The following NEK10 variants were observed in gnomAD, a reference collection of about 807,000 sequenced individuals.
NEK10 encodes the protein serine/threonine-protein kinase Nek10.
NEK10 carries 122 observed loss-of-function variants against 159.8 expected under a neutral mutation model. The observed-to-expected ratio is 0.76, with a 90% CI of 0.66 to 0.89. NEK10 has a LOEUF of 0.89. NEK10 is among the 40% of genes least tolerant of loss of function. NEK10 has a pLI of 0.00. For synonymous variants in NEK10, 466 were observed against 457.1 expected, an observed-to-expected ratio of 1.02 and a Z score of -0.25; for missense variants, 1,342 against 1,323.1, an observed-to-expected ratio of 1.01 and a Z score of -0.22.
intron 23 of NEK10, among the ~76,000 whole-genome samples, chr3:27,247,009 GTCAGGTTTTTCCAAATATAAGA>G (rs1304480465): frequency 1.7e-4 from 26 of 152,206 alleles, no homozygotes; most frequent in African/African-American, 4.8e-4. Flanking sequence ...TGGTGGAGTC[GTCAGGTTTTTCCAAATATAAGA>G]TCAGGTTTTT....
At chr3:27,151,081 G>A (rs532102123) in intron 30 of NEK10, among the ~76,000 whole-genome samples, 62 of 152,066 alleles carry the variant, frequency 4.1e-4, no homozygotes, top group Non-Finnish European at 7.5e-4. Context: ...CCCTGGTAGC[G>A]GAAGACAAAG....
At chr3:27,231,062 T>C (rs1020002214) in intron 23 of NEK10, among the ~76,000 whole-genome samples, 9 of 152,020 alleles carry the variant, frequency 5.9e-5, no homozygotes, top group African/African-American at 2.2e-4. Flanking sequence ...AGAATATACA[T>C]TCTTCTCTTC....
Position 27,286,148 on chromosome 3 carries a change from C to G in NEK10, c.1790-1187G>C, listed in dbSNP as rs9863440. On this transcript the variant is annotated intron_variant, in intron 20 of 35. Coordinates refer to ENST00000691995, the MANE Select transcript of NEK10 (RefSeq NM_001394966.1). ...TTGCCCAGGCTGGACTGCAGTGGCG[C>G]GATCTTGGCTCACTGCACGCTCTGC... 2.2e-5 allele frequency among the ~76,000 whole-genome samples: 3 copies of G among 135,162 alleles called. No individual in the cohort carries two copies. In the East Asian group the frequency reaches 6.5e-4, roughly 29 times the overall value. 88.7% of individuals were successfully genotyped at this position (135,162 alleles called of 152,430 possible).
At chr3:27,269,936 G>C (rs2041200957) in intron 22 of NEK10, among the ~76,000 whole-genome samples, 1 of 152,110 alleles carries the variant, frequency 6.6e-6, no homozygotes, top group Admixed American at 6.6e-5. Flanking sequence ...TCTACAAAAA[G>C]TTTATATATA....
chr3:27,159,950 T>C (rs1464495), intron 30 of NEK10, among the ~76,000 whole-genome samples: 148,306 of 150,038 alleles, frequency 0.99, 73,298 homozygotes, highest in East Asian at 1. Context: ...GGGGAAATGC[T>C]CTGATTTTGG....
chr3:27,131,324 T>C (rs1942598275), intron 32 of NEK10, among the ~76,000 whole-genome samples: 1 of 152,202 alleles, frequency 6.6e-6, no homozygotes, highest in Non-Finnish European at 1.5e-5. Flanking sequence ...CAAGTTTTGT[T>C]AACCAGAGGT....
At chr3:27,264,721 ATC>A (rs2040734936) in intron 22 of NEK10, among the ~76,000 whole-genome samples, 1 of 151,980 alleles carries the variant, frequency 6.6e-6, no homozygotes, top group Admixed American at 6.6e-5. Context: ...GGGATATCCC[ATC>A]TCTACTAAAA....
chr3:27,256,912 CTTTTTTTTT>C (rs550014186), intron 22 of NEK10, among the ~76,000 whole-genome samples: 1 of 125,120 alleles, frequency 8.0e-6, no homozygotes, highest in Admixed American at 8.4e-5. Context: ...TTTTTTCTCT[CTTTTTTTTT>C]TTTTTTTTTT....
At chr3:27,182,579 C>A (rs912180137) in intron 26 of NEK10, among the ~76,000 whole-genome samples, 3 of 150,886 alleles carry the variant, frequency 2.0e-5, no homozygotes, top group Non-Finnish European at 4.4e-5. Flanking sequence ...TATGATCCAG[C>A]AATCCCATTG....
chr3:27,139,408 C>A (rs1404446117), intron 31 of NEK10, among the ~76,000 whole-genome samples: 1 of 152,104 alleles, frequency 6.6e-6, no homozygotes, highest in Non-Finnish European at 1.5e-5. Context: ...AGGGTCAAAT[C>A]CATAACTAGG....
intron 9 of NEK10, chr3:27,309,401 T>TC (rs2149584011): frequency 6.5e-6 from 1 of 152,886 alleles, no homozygotes; most frequent in Admixed American, 6.5e-5. Flanking sequence ...TTTTATTTTT[T>TC]GCAGTCAATA....
chr3:27,287,150 A>G (rs1292242342), intron 20 of NEK10, among the ~76,000 whole-genome samples: 3 of 151,830 alleles, frequency 2.0e-5, no homozygotes, highest in Non-Finnish European at 1.5e-5. Flanking sequence ...AAAAAAAAAA[A>G]AAAAAGAGTG....
chr3:27,131,975 G>A lies in NEK10; in HGVS notation c.2986C>T (p.His996Tyr), dbSNP rs1942672957. The A allele has an allele frequency of 6.2e-7, 1 of 1,600,888 alleles. No individual in the cohort carries two copies. The highest frequency in any genetic ancestry group is 8.6e-7 in the Non-Finnish European group (1 of 1,169,094). ...IYITQLPPAL[H>Y]HNLKRRVIER... is the part of the protein sequence containing the mutation. Reference sequence around the variant, plus strand: ...ATAACCCTTCTTTTCAAATTGTGGTGCAAAGCTGGAGGAAGCTGCATAAAA... The same window carrying A: ...ATAACCCTTCTTTTCAAATTGTGGTACAAAGCTGGAGGAAGCTGCATAAAA... The change falls in exon 32 of 36, where the codon CAC becomes TAC. Residue 996 changes from histidine (H) to tyrosine (Y), a missense_variant. Transcript: ENST00000691995.
In NEK10 at chr3:27,346,296, G is replaced by A. The variant is rs926743469; in HGVS notation, c.133-80C>T. The A allele has an allele frequency of 6.9e-6, 10 of 1,449,824 alleles. No individual in the cohort carries two copies. The African/African-American group carries it at 1.4e-4, about 20-fold the overall frequency. 89.8% of individuals were successfully genotyped at this position (1,449,824 alleles called of 1,614,324 possible). A position where few individuals can be genotyped will look rare whatever the true frequency, so the allele number is the denominator to read the frequency against. On this transcript the variant is annotated intron_variant, in intron 3 of 35. Transcript: ENST00000691995. ...GAAAGTAACAAAATATGGGGAGGAT[G>A]AAGAGACTGAGATTTTTTCCAGGCC...
intron 30 of NEK10, among the ~76,000 whole-genome samples, chr3:27,151,043 C>T (rs1012344071): frequency 2.0e-5 from 3 of 152,066 alleles, no homozygotes; most frequent in Non-Finnish European, 4.4e-5. Flanking sequence ...CCTAGCTCTG[C>T]CCCCACCTGA....
At chr3:27,146,562 C>T (rs1321170154) in intron 30 of NEK10, among the ~76,000 whole-genome samples, 2 of 152,208 alleles carry the variant, frequency 1.3e-5, no homozygotes, top group East Asian at 3.8e-4. Flanking sequence ...CAAATTTACT[C>T]TCACCTCTTT....
At chr3:27,319,745 T>G (rs1575730400) in intron 6 of NEK10, among the ~76,000 whole-genome samples, 1 of 92,898 alleles carries the variant, frequency 1.1e-5, no homozygotes, top group Non-Finnish European at 2.7e-5. Context: ...GAAGTAGAGT[T>G]GCGGGATAAC....
At chr3:27,130,723 T>A (rs1431709420) in intron 32 of NEK10, among the ~76,000 whole-genome samples, 1 of 152,198 alleles carries the variant, frequency 6.6e-6, no homozygotes, top group African/African-American at 2.4e-5. Context: ...CAACATATTA[T>A]CTTTTCATGG....
rs1203521723 is a variant in NEK10, at chr3:27,359,726, A to G, written c.-37-6807T>C. On this transcript the variant is annotated intron_variant, in intron 1 of 35. Transcript: ENST00000691995. Reference sequence around the variant, plus strand: ...GATGACAAATGTCAACATTAAGGGAAGCTGAGTGAAGGGTATATGGGAATT... The same window carrying G: ...GATGACAAATGTCAACATTAAGGGAGGCTGAGTGAAGGGTATATGGGAATT... 2.6e-5 allele frequency among the ~76,000 whole-genome samples: 4 copies of G among 152,326 alleles called. No homozygotes were observed. The East Asian group carries it at 7.7e-4, about 29-fold the overall frequency.
Sources: gnomAD v4.1 joint callset for allele counts (sites outside exome capture counted in the v4.1 genomes callset) on GRCh38, gnomAD v4.1.1 for gene constraint, MANE v1.5 for transcripts, NCBI Gene and HGNC (gene_info 2026-07-23, HGNC 2026-07-21) for gene names.